TMCC1: variants seen among roughly 807,000 people sequenced by gnomAD.
The protein encoded by TMCC1 is transmembrane and coiled-coil domains protein 1.
Under a neutral mutation model 52.4 loss-of-function variants are expected in TMCC1, and 15 were observed. The ratio of observed to expected loss-of-function variants is 0.29; its 90% CI spans 0.19 to 0.44. The LOEUF (loss-of-function observed/expected upper bound fraction) is 0.44. Ranked by LOEUF, TMCC1 falls within the 20% of genes least tolerant of loss-of-function variation. The probability of loss-of-function intolerance (pLI) is 1.00; values close to 1 mark genes in which losing one functional copy is unlikely to be tolerated. For synonymous variants in TMCC1, 279 were observed against 301.9 expected (o/e 0.92, Z 0.79); for missense variants, 503 against 806.0 (o/e 0.62, Z 4.55).
At chr3:129,755,641 G>T (rs887463505) in intron 4 of TMCC1, among the ~76,000 whole-genome samples, 4 of 152,106 alleles carry the variant, frequency 2.6e-5, no homozygotes, top group African/African-American at 9.7e-5. Flanking sequence ...CACGTGAAAA[G>T]ATATTCATCA....
At chr3:129,760,093 T>G (rs1054540036) in intron 4 of TMCC1, among the ~76,000 whole-genome samples, 10 of 151,828 alleles carry the variant, frequency 6.6e-5, no homozygotes, top group Admixed American at 2.0e-4. Context: ...ACTGGAGAGA[T>G]AATGCAGAGT....
At chr3:129,808,938 A>C (rs866351003) in intron 4 of TMCC1, among the ~76,000 whole-genome samples, 4 of 150,962 alleles carry the variant, frequency 2.6e-5, no homozygotes, top group Non-Finnish European at 5.9e-5. Context: ...AAAAAAAAAA[A>C]CAAAGAAACT....
chr3:129,840,818 T>G (rs2107866943), intron 2 of TMCC1, among the ~76,000 whole-genome samples: 1 of 152,342 alleles, frequency 6.6e-6, no homozygotes, highest in South Asian at 2.1e-4. Context: ...AAATTAAACC[T>G]CTTTTCTTTA....
chr3:129,752,332 G>A (rs774665811), intron 4 of TMCC1, among the ~76,000 whole-genome samples: 2 of 151,976 alleles, frequency 1.3e-5, no homozygotes, highest in Non-Finnish European at 2.9e-5. Flanking sequence ...TTGATTACAT[G>A]TATCCCTGCA....
Position 129,650,379 on chromosome 3 carries a change from A to G in TMCC1, c.*1102T>C, listed in dbSNP as rs1263711229. The G allele has an allele frequency of 6.6e-6, 1 of 152,470 alleles. No homozygotes were observed. 9.4% of individuals were successfully genotyped at this position (152,470 alleles called of 1,614,324 possible). ...TTTCCTCTTCAACTAAGCCAAACCC[A>G]TAAAACGGGGGCGTAGGTATGTCGG... On this transcript the variant is annotated 3_prime_UTR_variant, in exon 7 of 7. Transcript: ENST00000393238.
In TMCC1 at chr3:129,883,684, A is replaced by T. The variant is rs1012855195; in HGVS notation, c.-434-3125T>A. ...ATATGTATTTTACCACAATAAAAAAAATATATTTTTTGGGCTGGGAGCAGT... is the reference window on the plus strand; with the variant it reads ...ATATGTATTTTACCACAATAAAAAATATATATTTTTTGGGCTGGGAGCAGT... On this transcript the variant is annotated intron_variant, in intron 1 of 6. Coordinates refer to ENST00000393238, the MANE Select transcript of TMCC1 (RefSeq NM_001017395.5). Among the ~76,000 whole-genome samples the T allele has an allele frequency of 3.3e-5, 5 of 152,192 alleles. No homozygotes were observed. The East Asian group carries it at 7.7e-4, about 23-fold the overall frequency.
At chr3:129,671,326 G>C in intron 4 of TMCC1, 62 bp from the exon 5 acceptor site, 1 of 1,474,126 alleles carries the variant, frequency 6.8e-7, no homozygotes, top group Non-Finnish European at 9.1e-7. Context: ...CAAAATCAAT[G>C]GGCCAAAATG....
intron 4 of TMCC1, among the ~76,000 whole-genome samples, chr3:129,807,915 T>C (rs1251751028): frequency 1.3e-5 from 2 of 152,182 alleles, no homozygotes; most frequent in Non-Finnish European, 2.9e-5. Flanking sequence ...AAGAATGTTA[T>C]TTATTAATAG....
chr3:129,853,957 C>G (rs1452974512), intron 2 of TMCC1, among the ~76,000 whole-genome samples: 2 of 152,132 alleles, frequency 1.3e-5, no homozygotes, highest in African/African-American at 2.4e-5. Context: ...TGAATGAATG[C>G]CTTTCTATCC....
chr3:129,694,654 A>G (rs1486831963), intron 4 of TMCC1, among the ~76,000 whole-genome samples: 1 of 152,214 alleles, frequency 6.6e-6, no homozygotes. Context: ...CACTCCCACC[A>G]TTAGCTCCAA....
intron 4 of TMCC1, among the ~76,000 whole-genome samples, chr3:129,826,501 C>T (rs1439528603): frequency 6.6e-6 from 1 of 152,078 alleles, no homozygotes; most frequent in East Asian, 1.9e-4. Flanking sequence ...GGGTAAGACC[C>T]TGTCTCCAAA....
chr3:129,853,419 G>A (rs2060003121), intron 2 of TMCC1, among the ~76,000 whole-genome samples: 1 of 152,028 alleles, frequency 6.6e-6, no homozygotes, highest in African/African-American at 2.4e-5. Context: ...GAGCCCAGGA[G>A]TTCAAGACCA....
chr3:129,849,231 G>C (rs981375300), intron 2 of TMCC1, among the ~76,000 whole-genome samples: 1 of 152,132 alleles, frequency 6.6e-6, no homozygotes, highest in Non-Finnish European at 1.5e-5. Flanking sequence ...GGGAGGCCAA[G>C]GTGGGCAGAT....
At chr3:129,711,826 T>TA (rs66986935) in intron 4 of TMCC1, among the ~76,000 whole-genome samples, 99,086 of 118,656 alleles carry the variant, frequency 0.84, 41,915 homozygotes, top group Non-Finnish European at 0.9. Context: ...CCGTCTCTAC[T>TA]AAAAAAAAAA....
chr3:129,730,429 T>C (rs1484394432), intron 4 of TMCC1, among the ~76,000 whole-genome samples: 1 of 152,230 alleles, frequency 6.6e-6, no homozygotes, highest in African/African-American at 2.4e-5. Context: ...CTCCATTGAA[T>C]TGCCTTTGTA....
chr3:129,699,795 G>A (rs895512460), intron 4 of TMCC1, among the ~76,000 whole-genome samples: 1 of 152,152 alleles, frequency 6.6e-6, no homozygotes, highest in Non-Finnish European at 1.5e-5. Context: ...AGGGTATGGT[G>A]TGGGGCATGC....
intron 5 of TMCC1, among the ~76,000 whole-genome samples, chr3:129,658,011 C>T (rs959081171): frequency 1.6e-4 from 24 of 152,218 alleles, no homozygotes; most frequent in African/African-American, 5.3e-4. Flanking sequence ...CATATGTATA[C>T]GAGTGTTCAC....
intron 4 of TMCC1, among the ~76,000 whole-genome samples, chr3:129,772,453 C>G (rs545869927): frequency 6.6e-6 from 1 of 152,098 alleles, no homozygotes; most frequent in South Asian, 2.1e-4. Flanking sequence ...TGGTGGCTCA[C>G]GCCTGTAATC....
chr3:129,655,122 T>C lies in TMCC1; in HGVS notation c.1512-19A>G. The C allele has an allele frequency of 6.2e-7, 1 of 1,601,774 alleles. No individual in the cohort carries two copies. The highest frequency in any genetic ancestry group is 8.5e-7 in the Non-Finnish European group (1 of 1,175,316). ...TTCACATCTAAGGAGAAAAAAAAAGTTTAGAATTTTATGAATTCTGTGAAT... is the reference window on the plus strand; with the variant it reads ...TTCACATCTAAGGAGAAAAAAAAAGCTTAGAATTTTATGAATTCTGTGAAT... On this transcript the variant is annotated intron_variant, in intron 5 of 6. Transcript: ENST00000393238.
Sources: allele counts gnomAD v4.1 joint callset (sites outside exome capture counted in the v4.1 genomes callset), GRCh38; gene constraint gnomAD v4.1.1; transcripts MANE v1.5; gene names NCBI Gene and HGNC (gene_info 2026-07-23, HGNC 2026-07-21).